The following AMPH variants were observed in gnomAD, a reference collection of about 807,000 sequenced individuals.
AMPH encodes amphiphysin.
AMPH carries 49 observed loss-of-function variants against 99.1 expected under a neutral mutation model. That is an observed-to-expected ratio of 0.49 (90% CI 0.39 to 0.63). The LOEUF is 0.63. Among genes scored for constraint, AMPH ranks in the 20% least tolerant of loss-of-function variants. The pLI is 0.00. For missense variants in AMPH, 759 were observed against 863.4 expected (o/e 0.88, Z 1.52); for synonymous variants, 314 against 317.3 (o/e 0.99, Z 0.11).
At position 38,418,133 on chromosome 7, in the gene AMPH, A is replaced by G. The variant is rs1243287468; in HGVS notation, c.1273-183T>C. 5.7e-5 allele frequency: 30 copies of G among 529,304 alleles called. No individual in the cohort carries two copies. The East Asian group carries it at 1.1e-3, about 20-fold the overall frequency. 32.8% of individuals were successfully genotyped at this position (529,304 alleles called of 1,614,324 possible). On this transcript the variant is annotated intron_variant, in intron 16 of 20. Transcript: ENST00000356264. ...CTTTTAGAGAATGGAAAAGACTAGA[A>G]ATAAAATCTTATTAAGCTTCTGCTT...
At chr7:38,436,163 A>G (rs1273918711) in intron 12 of AMPH, 109 bp downstream of exon 12, 2 of 806,638 alleles carry the variant, frequency 2.5e-6, no homozygotes, top group Non-Finnish European at 4.1e-6. Flanking sequence ...TCTGTCAACC[A>G]AAAATAAAAA....
intron 1 of AMPH, among the ~76,000 whole-genome samples, chr7:38,583,665 A>G (rs571426562): frequency 1.3e-5 from 2 of 152,330 alleles, no homozygotes; most frequent in East Asian, 3.9e-4. Context: ...TAAGAATACT[A>G]AAGAAAATAA....
At chr7:38,447,694 G>C (rs1004382172) in intron 11 of AMPH, among the ~76,000 whole-genome samples, 2 of 151,634 alleles carry the variant, frequency 1.3e-5, no homozygotes, top group East Asian at 1.9e-4. Context: ...AAACCACTTA[G>C]AAGTAAAACA....
intron 14 of AMPH, chr7:38,429,209 C>T (rs1785904261): frequency 7.8e-7 from 1 of 1,288,964 alleles, no homozygotes; most frequent in South Asian, 1.2e-5. Flanking sequence ...CATACAGCTG[C>T]TCCATCTCCA....
At chr7:38,424,377 A>G (rs1174136542) in intron 15 of AMPH, among the ~76,000 whole-genome samples, 1 of 152,274 alleles carries the variant, frequency 6.6e-6, no homozygotes, top group Non-Finnish European at 1.5e-5. Flanking sequence ...AAATAATTCA[A>G]AATGATTATT....
chr7:38,456,092 C>A (rs1787222371), intron 11 of AMPH, among the ~76,000 whole-genome samples: 1 of 152,194 alleles, frequency 6.6e-6, no homozygotes, highest in Admixed American at 6.5e-5. Context: ...GGTCTGCATC[C>A]CTCCCTGGGG....
In AMPH at chr7:38,580,937, T is replaced by A. The variant is rs370581679; in HGVS notation, c.70-45926A>T. Among the ~76,000 whole-genome samples the A allele has an allele frequency of 5.9e-5, 9 of 152,312 alleles. No homozygotes were observed. In the East Asian group the frequency reaches 1.5e-3, roughly 26 times the overall value. On this transcript the variant is annotated intron_variant, in intron 1 of 20. Transcript: ENST00000356264. ...CTTATTTTGCATACTCTGGAAAAAC[T>A]TGGAGTTTAGACTGGGTTAAGCCTA... is the stretch of plus-strand genomic sequence containing the variant.
At chr7:38,627,171 TCA>T (rs1227443607) in intron 1 of AMPH, among the ~76,000 whole-genome samples, 2 of 152,036 alleles carry the variant, frequency 1.3e-5, no homozygotes, top group Admixed American at 6.6e-5. Flanking sequence ...GCCCTTGCTC[TCA>T]GAGATGTTTT....
At chr7:38,508,613 A>G (rs1789422803) in intron 2 of AMPH, among the ~76,000 whole-genome samples, 1 of 152,228 alleles carries the variant, frequency 6.6e-6, no homozygotes, top group Admixed American at 6.5e-5. Flanking sequence ...CTTAGGAGAC[A>G]TAACTTCATA....
intron 1 of AMPH, among the ~76,000 whole-genome samples, chr7:38,605,932 A>T (rs542220090): frequency 6.6e-6 from 1 of 152,158 alleles, no homozygotes; most frequent in Non-Finnish European, 1.5e-5. Context: ...AAAGCCCCTC[A>T]GTGCGAGTCT....
intron 1 of AMPH, among the ~76,000 whole-genome samples, chr7:38,543,829 G>A (rs1006723970): frequency 1.3e-5 from 2 of 152,072 alleles, no homozygotes; most frequent in Admixed American, 6.6e-5. Flanking sequence ...AAATCCAGGC[G>A]ATTCTGTTTG....
intron 1 of AMPH, among the ~76,000 whole-genome samples, chr7:38,609,954 C>T (rs969804675): frequency 4.0e-5 from 6 of 151,798 alleles, no homozygotes; most frequent in Non-Finnish European, 7.4e-5. Flanking sequence ...CAGCTGAGAA[C>T]GGTGGCTCAT....
intron 17 of AMPH, among the ~76,000 whole-genome samples, chr7:38,408,869 A>T (rs1253963483): frequency 1.3e-5 from 2 of 151,928 alleles, no homozygotes; most frequent in Admixed American, 1.3e-4. Context: ...TTTCATCGTT[A>T]AGTTATGTAC....
intron 5 of AMPH, among the ~76,000 whole-genome samples, chr7:38,478,359 G>A (rs1166617740): frequency 1.3e-4 from 20 of 152,150 alleles, no homozygotes; most frequent in Admixed American, 1.3e-3. Flanking sequence ...GGCATTAGCA[G>A]TCCAATTCTG....
chr7:38,509,366 A>G (rs975390172), intron 2 of AMPH, among the ~76,000 whole-genome samples: 4 of 152,184 alleles, frequency 2.6e-5, no homozygotes, highest in African/African-American at 9.7e-5. Context: ...CCTGTCACCA[A>G]TTCCAGGAAT....
chr7:38,457,286 C>A (rs1415992591), intron 11 of AMPH, among the ~76,000 whole-genome samples: 1 of 151,884 alleles, frequency 6.6e-6, no homozygotes. Flanking sequence ...CAGTGAGATA[C>A]AAGAAAATTT....
intron 5 of AMPH, among the ~76,000 whole-genome samples, chr7:38,480,287 AG>A (rs1239399827): frequency 2.6e-5 from 4 of 152,132 alleles, no homozygotes; most frequent in African/African-American, 9.7e-5. Flanking sequence ...CGCCAGGAGT[AG>A]GGTGAGGCAG....
At chr7:38,630,893 C>T (rs1342584951) in intron 1 of AMPH, among the ~76,000 whole-genome samples, 1 of 152,240 alleles carries the variant, frequency 6.6e-6, no homozygotes, top group Non-Finnish European at 1.5e-5. Context: ...GCGCTGGGAG[C>T]CGGCCCGGGG....
chr7:38,616,993 G>A (rs1406084945), intron 1 of AMPH, among the ~76,000 whole-genome samples: 1 of 152,180 alleles, frequency 6.6e-6, no homozygotes, highest in Non-Finnish European at 1.5e-5. Context: ...TATAGATAAT[G>A]TAGATGTAGA....
Sources: allele counts gnomAD v4.1 joint callset (sites outside exome capture counted in the v4.1 genomes callset), GRCh38; gene constraint gnomAD v4.1.1; transcripts MANE v1.5; gene names NCBI Gene and HGNC (gene_info 2026-07-23, HGNC 2026-07-21).